Variants in SCMH1 observed in about 807,000 individuals in gnomAD.
The protein encoded by SCMH1 is polycomb protein SCMH1.
Under a neutral mutation model 70.8 loss-of-function variants are expected in SCMH1, and 37 were observed. The ratio of observed to expected loss-of-function variants is 0.52; its 90% CI spans 0.40 to 0.69. SCMH1 has a LOEUF of 0.69. Ranked by LOEUF, SCMH1 falls within the 30% of genes least tolerant of loss-of-function variation. The pLI is 0.00. For synonymous variants in SCMH1, 292 were observed against 307.4 expected, an observed-to-expected ratio of 0.95 and a Z score of 0.52; for missense variants, 607 against 827.3, an observed-to-expected ratio of 0.73 and a Z score of 3.27.
At chr1:41,218,325 T>C (rs1002781512) in intron 1 of SCMH1, among the ~76,000 whole-genome samples, 2 of 152,172 alleles carry the variant, frequency 1.3e-5, no homozygotes, top group African/African-American at 2.4e-5. Flanking sequence ...TTTGCAGATA[T>C]AAACAAGTTA....
At chr1:41,043,079 T>C (rs940788398) in intron 12 of SCMH1, 10 of 152,150 alleles carry the variant, frequency 6.6e-5, no homozygotes, top group African/African-American at 9.7e-5. Context: ...TAATAGCTAA[T>C]AGTATATTAA....
intron 2 of SCMH1, 82 bp from the exon 3 acceptor site, chr1:41,161,514 G>A: frequency 7.1e-7 from 1 of 1,413,008 alleles, no homozygotes; most frequent in Non-Finnish European, 9.4e-7. Context: ...TGTATTAACA[G>A]TTTTTAATAA....
chr1:41,034,304 G>A lies in SCMH1; in HGVS notation c.1678+3058C>T, dbSNP rs537126169. ...TTCAGCCTTCCTGAAAGCTCTCTCC[G>A]CTGAGGTGACTTTTTTTCTTTTCTT... On this transcript the variant is annotated intron_variant, in intron 13 of 14. Transcript: ENST00000337495. Among the ~76,000 whole-genome samples, 16 of 150,408 alleles carry A rather than the reference G, an allele frequency of 1.1e-4. No individual in the cohort carries two copies. In the East Asian group the frequency reaches 2.0e-3, roughly 18 times the overall value.
intron 1 of SCMH1, among the ~76,000 whole-genome samples, chr1:41,241,479 G>GC (rs1663528480): frequency 6.6e-6 from 1 of 152,050 alleles, no homozygotes; most frequent in Non-Finnish European, 1.5e-5. Context: ...ACAGCTCCGG[G>GC]CCCTAGGCGC....
intron 10 of SCMH1, among the ~76,000 whole-genome samples, chr1:41,067,823 T>G (rs998849500): frequency 6.6e-6 from 1 of 152,124 alleles, no homozygotes; most frequent in Non-Finnish European, 1.5e-5. Flanking sequence ...AACGAGTCAA[T>G]GTAAATTCAT....
intron 10 of SCMH1, among the ~76,000 whole-genome samples, chr1:41,065,048 G>A (rs12094671): frequency 0.045 from 6,802 of 152,242 alleles, 519 homozygotes; most frequent in African/African-American, 0.16. Flanking sequence ...TGAAAGAAAC[G>A]TAAAAAGAAC....
intron 8 of SCMH1, among the ~76,000 whole-genome samples, chr1:41,112,264 C>G (rs1425702209): frequency 1.3e-5 from 2 of 152,064 alleles, no homozygotes; most frequent in Admixed American, 6.6e-5. Context: ...ATTAGGTGCT[C>G]AATAAATATT....
chr1:41,207,869 G>C (rs531088422), intron 1 of SCMH1, among the ~76,000 whole-genome samples: 13 of 150,650 alleles, frequency 8.6e-5, no homozygotes, highest in African/African-American at 3.2e-4. Context: ...TCAGTGTGGC[G>C]ATTCCTCAGG....
intron 10 of SCMH1, among the ~76,000 whole-genome samples, chr1:41,062,229 G>GA (rs1450113122): frequency 1.3e-5 from 2 of 151,898 alleles, no homozygotes; most frequent in South Asian, 2.1e-4. Context: ...AATGATACAT[G>GA]AAAAAAATCA....
chr1:41,028,459 A>C (rs1484791955), intron 14 of SCMH1, 125 bp downstream of exon 15: 1 of 1,502,274 alleles, frequency 6.7e-7, no homozygotes, highest in Non-Finnish European at 9.1e-7. Context: ...TGTGATGCTG[A>C]AGCCTACCTG....
At chr1:41,227,540 G>C (rs1425935026) in intron 1 of SCMH1, among the ~76,000 whole-genome samples, 4 of 152,190 alleles carry the variant, frequency 2.6e-5, no homozygotes, top group African/African-American at 4.8e-5. Context: ...GAAGTGCATG[G>C]AGTATTACAG....
chr1:41,116,254 T>C (rs1670444950), intron 7 of SCMH1, among the ~76,000 whole-genome samples: 1 of 152,224 alleles, frequency 6.6e-6, no homozygotes, highest in African/African-American at 2.4e-5. Context: ...ATGCTCTTAG[T>C]GTTGAGACTT....
At chr1:41,075,284 C>G in exon 9 of SCMH1, 1 of 1,614,122 alleles carries the variant, frequency 6.2e-7, no homozygotes, top group South Asian at 1.1e-5. Flanking sequence ...TTGGATGGGG[C>G]AGAGATGGGA....
intron 4 of SCMH1, among the ~76,000 whole-genome samples, chr1:41,155,459 A>AAAACAAAC (rs138222770): frequency 8.6e-5 from 13 of 151,484 alleles, no homozygotes; most frequent in East Asian, 2.0e-4. Context: ...ACATGGAGCA[A>AAAACAAAC]AAACAAACAA....
At chr1:41,122,550 T>G (rs1391792991) in intron 6 of SCMH1, among the ~76,000 whole-genome samples, 1 of 152,210 alleles carries the variant, frequency 6.6e-6, no homozygotes, top group Non-Finnish European at 1.5e-5. Context: ...ACCCTCCATT[T>G]ATTAAATGGG....
At chr1:41,186,309 A>C in intron 1 of SCMH1, 59 bp from the exon 2 acceptor site, 1 of 482,706 alleles carries the variant, frequency 2.1e-6, no homozygotes, top group East Asian at 3.3e-5. Context: ...TAAAGTACTG[A>C]GATCTCTAAT....
chr1:41,206,367 G>A (rs1239813334), intron 1 of SCMH1, among the ~76,000 whole-genome samples: 2 of 152,198 alleles, frequency 1.3e-5, no homozygotes. Context: ...TGATGGAGCT[G>A]AAAACCATGG....
At chr1:41,124,407 T>C (rs559947333) in intron 6 of SCMH1, among the ~76,000 whole-genome samples, 143 of 152,314 alleles carry the variant, frequency 9.4e-4, no homozygotes, top group African/African-American at 3.2e-3. Context: ...AATCACATAC[T>C]GCAATTGGTT....
intron 1 of SCMH1, among the ~76,000 whole-genome samples, chr1:41,192,540 C>T (rs1651974827): frequency 6.9e-6 from 1 of 144,960 alleles, no homozygotes; most frequent in South Asian, 2.3e-4. Flanking sequence ...TAGAACAGTA[C>T]CTGGCACATA....
Sources: allele counts gnomAD v4.1 joint callset (sites outside exome capture counted in the v4.1 genomes callset), GRCh38; gene constraint gnomAD v4.1.1; transcripts MANE v1.5; gene names NCBI Gene and HGNC (gene_info 2026-07-23, HGNC 2026-07-21).